The following FANCC variants were observed in gnomAD, a reference collection of about 807,000 sequenced individuals.
FANCC encodes the protein FA complementation group C, also known as Fanconi anemia group C protein.
In FANCC, 55 loss-of-function variants were observed where a neutral mutation model predicts 71.3. That is an observed-to-expected ratio of 0.77 (90% CI 0.62 to 0.97). The LOEUF (loss-of-function observed/expected upper bound fraction) is 0.97, where lower values mean the gene tolerates loss of function less well. FANCC is among the 50% of genes least tolerant of loss of function. The probability of loss-of-function intolerance (pLI) is 0.00; values close to 1 mark genes in which losing one functional copy is unlikely to be tolerated. For missense variants in FANCC, 678 were observed against 670.9 expected (o/e 1.01, Z -0.12); for synonymous variants, 275 against 244.9 (o/e 1.12, Z -1.15).
chr9:95,257,276 T>C (rs989356385), intron 1 of FANCC, among the ~76,000 whole-genome samples: 15 of 152,186 alleles, frequency 9.9e-5, no homozygotes, highest in African/African-American at 3.4e-4. Flanking sequence ...ACTGACCACA[T>C]AATTGGAAGT....
intron 4 of FANCC, among the ~76,000 whole-genome samples, chr9:95,229,784 C>T (rs1027067928): frequency 4.0e-5 from 6 of 151,512 alleles, no homozygotes; most frequent in African/African-American, 1.4e-4. Context: ...CACACACACA[C>T]ACACACACAC....
At chr9:95,207,153 C>T (rs1176820755) in intron 4 of FANCC, among the ~76,000 whole-genome samples, 8 of 152,136 alleles carry the variant, frequency 5.3e-5, no homozygotes, top group Admixed American at 5.2e-4. Flanking sequence ...AAACCTCCAC[C>T]TAAACTGGTC....
At position 95,107,237 on chromosome 9, in the gene FANCC, C is replaced by T. The variant is rs2134456336; in HGVS notation, c.1362G>A (p.Leu454=). The change falls in exon 14 of 15, where the codon CTG becomes CTA. Residue 454 remains leucine (L), a synonymous_variant. Coordinates refer to ENST00000289081, the MANE Select transcript of FANCC (RefSeq NM_000136.3). The part of the protein sequence containing the change: ...VQVKAVLGHL[L]AMSRSSSLSA... ...AGAGGCTGCTGCTTCTGGACATTGC[C>T]AGGAGGTGGCCCAGCACGGCCTTCA... 1 of 1,614,104 alleles carries T rather than the reference C, an allele frequency of 6.2e-7. No individual in the cohort carries two copies. Among genetic ancestry groups the T allele is most frequent in the South Asian group, 1.1e-5 (1 of 91,076 alleles).
At chr9:95,212,559 A>G (rs1476242713) in intron 4 of FANCC, among the ~76,000 whole-genome samples, 1 of 152,152 alleles carries the variant, frequency 6.6e-6, no homozygotes, top group Middle Eastern at 3.2e-3. Flanking sequence ...AAGCTGAGAA[A>G]ATTTGTCAGC....
chr9:95,106,348 G>A (rs1001835546), intron 14 of FANCC, among the ~76,000 whole-genome samples: 4 of 152,180 alleles, frequency 2.6e-5, no homozygotes, highest in African/African-American at 9.7e-5. Context: ...AATTCCTTAT[G>A]TATTCTGAAT....
chr9:95,253,596 T>C (rs1564799524), intron 1 of FANCC, among the ~76,000 whole-genome samples: 1 of 152,176 alleles, frequency 6.6e-6, no homozygotes, highest in Non-Finnish European at 1.5e-5. Context: ...GTATTAGTGG[T>C]ATGGTGTCTG....
chr9:95,117,412 A>G (rs2072510981), intron 10 of FANCC, 22 bp from the exon 11 acceptor site: 1 of 1,604,948 alleles, frequency 6.2e-7, no homozygotes, highest in Non-Finnish European at 8.5e-7. Context: ...TGGAAAATCC[A>G]AAGAGCATGA....
chr9:95,246,912 C>A (rs1351811473), intron 3 of FANCC, among the ~76,000 whole-genome samples: 1 of 152,158 alleles, frequency 6.6e-6, no homozygotes. Flanking sequence ...TTCATCTCCA[C>A]CTTGGATAAA....
At chr9:95,129,219 C>A (rs1247846775) in intron 8 of FANCC, among the ~76,000 whole-genome samples, 2 of 152,164 alleles carry the variant, frequency 1.3e-5, no homozygotes, top group Non-Finnish European at 2.9e-5. Flanking sequence ...TCACCGATGG[C>A]TTTTAAAATG....
At chr9:95,273,362 G>A (rs775111504) in intron 1 of FANCC, among the ~76,000 whole-genome samples, 2 of 152,150 alleles carry the variant, frequency 1.3e-5, no homozygotes, top group Non-Finnish European at 2.9e-5. Flanking sequence ...GATTCTGCTG[G>A]CACTGCATTT....
chr9:95,198,093 G>A (rs1827572051), intron 4 of FANCC, among the ~76,000 whole-genome samples: 2 of 152,152 alleles, frequency 1.3e-5, no homozygotes, highest in Admixed American at 1.3e-4. Flanking sequence ...AGGTGTTAAA[G>A]GCCCCTAAGC....
chr9:95,104,129 G>A (rs1297159586), intron 14 of FANCC, among the ~76,000 whole-genome samples: 1 of 152,238 alleles, frequency 6.6e-6, no homozygotes, highest in African/African-American at 2.4e-5. Flanking sequence ...GTCGGCAGAG[G>A]AACTGACAAA....
intron 4 of FANCC, among the ~76,000 whole-genome samples, chr9:95,197,887 T>C (rs1827554734): frequency 6.6e-6 from 1 of 152,138 alleles, no homozygotes; most frequent in Non-Finnish European, 1.5e-5. Context: ...TCTGAGTGGG[T>C]GGAACAACAC....
intron 1 of FANCC, among the ~76,000 whole-genome samples, chr9:95,278,710 C>T (rs1053737773): frequency 6.6e-6 from 1 of 151,910 alleles, no homozygotes; most frequent in Non-Finnish European, 1.5e-5. Context: ...GATGATATAA[C>T]TCCATCATAA....
intron 4 of FANCC, among the ~76,000 whole-genome samples, chr9:95,224,071 C>A (rs943090528): frequency 5.3e-5 from 8 of 152,208 alleles, no homozygotes; most frequent in African/African-American, 1.7e-4. Context: ...CACCCTCTCA[C>A]AAACCAGCAT....
At chr9:95,244,547 T>A (rs1830826693) in intron 3 of FANCC, among the ~76,000 whole-genome samples, 1 of 151,496 alleles carries the variant, frequency 6.6e-6, no homozygotes, top group African/African-American at 2.4e-5. Context: ...GATGTGGTGG[T>A]GGGTGCCTAT....
chr9:95,102,933 A>G (rs1284885489), intron 14 of FANCC, among the ~76,000 whole-genome samples: 1 of 152,210 alleles, frequency 6.6e-6, no homozygotes, highest in East Asian at 1.9e-4. Context: ...GGGTCAGTGC[A>G]GCCAGCACGG....
intron 6 of FANCC, among the ~76,000 whole-genome samples, chr9:95,170,124 G>T (rs1825569052): frequency 6.6e-6 from 1 of 152,058 alleles, no homozygotes; most frequent in Non-Finnish European, 1.5e-5. Flanking sequence ...AGGTCTTTTT[G>T]AATAAATTTA....
intron 4 of FANCC, among the ~76,000 whole-genome samples, chr9:95,173,519 C>T (rs771947317): frequency 2.0e-5 from 3 of 152,240 alleles, no homozygotes; most frequent in Non-Finnish European, 2.9e-5. Context: ...GAACTATGCT[C>T]GAAGATGTTC....
Sources: allele counts gnomAD v4.1 joint callset (sites outside exome capture counted in the v4.1 genomes callset), GRCh38; gene constraint gnomAD v4.1.1; transcripts MANE v1.5; gene names NCBI Gene and HGNC (gene_info 2026-07-23, HGNC 2026-07-21).